Variants in TYW1B observed in about 807,000 individuals in gnomAD.
TYW1B encodes the protein S-adenosyl-L-methionine-dependent tRNA 4-demethylwyosine synthase TYW1B.
In TYW1B, 73 loss-of-function variants were observed where a neutral mutation model predicts 86.9. That is an observed-to-expected ratio of 0.84 (90% CI 0.70 to 1.02). TYW1B has a LOEUF of 1.02. Among genes scored for constraint, TYW1B ranks in the 50% least tolerant of loss-of-function variants. The probability of loss-of-function intolerance (pLI) is 0.00; values close to 1 mark genes in which losing one functional copy is unlikely to be tolerated. For synonymous variants in TYW1B, 248 were observed against 292.8 expected, an observed-to-expected ratio of 0.85 and a Z score of 1.56; for missense variants, 637 against 827.4, an observed-to-expected ratio of 0.77 and a Z score of 2.82.
chr7:72,826,017 C>A (rs1554481364), intron 2 of TYW1B, among the ~76,000 whole-genome samples: 1 of 152,166 alleles, frequency 6.6e-6, no homozygotes, highest in Non-Finnish European at 1.5e-5. Flanking sequence ...AAGGACAGTT[C>A]ACTGCTAAAG....
intron 7 of TYW1B, among the ~76,000 whole-genome samples, chr7:72,749,759 T>C (rs1196952339): frequency 1.6e-5 from 1 of 61,520 alleles, no homozygotes; most frequent in African/African-American, 5.3e-5. Context: ...CTTTTCTGTT[T>C]CTTGAGGTAG....
chr7:72,626,776 T>A (rs535115050), intron 12 of TYW1B, among the ~76,000 whole-genome samples: 12 of 151,988 alleles, frequency 7.9e-5, no homozygotes, highest in African/African-American at 2.7e-4. Context: ...CCCCAAACCA[T>A]CTCTTGCTTG....
At chr7:72,723,500 T>C (rs1554458020) in intron 9 of TYW1B, among the ~76,000 whole-genome samples, 1 of 152,106 alleles carries the variant, frequency 6.6e-6, no homozygotes, top group Non-Finnish European at 1.5e-5. Flanking sequence ...GGTGCAGTGG[T>C]TCACACCTAT....
chr7:72,747,825 T>C (rs1554464101), intron 7 of TYW1B, among the ~76,000 whole-genome samples: 1 of 152,248 alleles, frequency 6.6e-6, no homozygotes, highest in Non-Finnish European at 1.5e-5. Context: ...TCTATTTGTT[T>C]AGATTTTCAT....
chr7:72,690,495 A>AAG (rs1814122047), intron 11 of TYW1B, among the ~76,000 whole-genome samples: 1 of 152,236 alleles, frequency 6.6e-6, no homozygotes, highest in African/African-American at 2.4e-5. Context: ...TGTACTTGCC[A>AAG]AGAGTTAAAA....
chr7:72,613,669 C>T (rs1811993247), intron 13 of TYW1B, among the ~76,000 whole-genome samples: 1 of 152,022 alleles, frequency 6.6e-6, no homozygotes, highest in Non-Finnish European at 1.5e-5. Flanking sequence ...CAGCCTTCCT[C>T]CCAAAGTGCT....
chr7:72,773,118 A>C (rs554420499), intron 7 of TYW1B, among the ~76,000 whole-genome samples: 1 of 152,142 alleles, frequency 6.6e-6, no homozygotes, highest in South Asian at 2.1e-4. Flanking sequence ...TCCTCTATTA[A>C]CTCTTTATAT....
intron 13 of TYW1B, among the ~76,000 whole-genome samples, chr7:72,590,557 A>T (rs1169063329): frequency 6.6e-6 from 1 of 152,198 alleles, no homozygotes; most frequent in African/African-American, 2.4e-5. Context: ...TTTATAGGGA[A>T]ATTATAGTTA....
intron 7 of TYW1B, among the ~76,000 whole-genome samples, chr7:72,758,183 G>A (rs531724882): frequency 2.6e-5 from 4 of 152,176 alleles, no homozygotes; most frequent in Admixed American, 6.5e-5. Context: ...TTGTGCCACT[G>A]TACTCCAGCC....
chr7:72,611,658 G>A (rs1480922033), intron 13 of TYW1B, among the ~76,000 whole-genome samples: 4 of 152,094 alleles, frequency 2.6e-5, no homozygotes, highest in East Asian at 1.9e-4. Flanking sequence ...GCGTGAAAAC[G>A]GACAAATACA....
At chr7:72,791,342 C>T (rs1266697611) in intron 6 of TYW1B, among the ~76,000 whole-genome samples, 4 of 151,420 alleles carry the variant, frequency 2.6e-5, no homozygotes, top group Non-Finnish European at 4.4e-5. Flanking sequence ...TAAGTTGCCA[C>T]TGCCAACATG....
intron 12 of TYW1B, among the ~76,000 whole-genome samples, chr7:72,624,829 G>A (rs1554438512): frequency 3.9e-5 from 6 of 152,070 alleles, no homozygotes; most frequent in African/African-American, 7.2e-5. Flanking sequence ...AGGCCAAGGC[G>A]GGTGGATCAC....
At chr7:72,791,279 C>T (rs1399987318) in intron 6 of TYW1B, among the ~76,000 whole-genome samples, 4 of 151,984 alleles carry the variant, frequency 2.6e-5, no homozygotes, top group African/African-American at 9.7e-5. Context: ...GGAGTTGGAA[C>T]AAATGTCTAT....
At chr7:72,660,246 T>C (rs1293448532) in intron 11 of TYW1B, among the ~76,000 whole-genome samples, 2 of 152,012 alleles carry the variant, frequency 1.3e-5, no homozygotes, top group Non-Finnish European at 2.9e-5. Context: ...TGATGGTGCA[T>C]GCCTGTGGTC....
At chr7:72,672,183 CG>C (rs1563054160) in intron 11 of TYW1B, among the ~76,000 whole-genome samples, 1 of 151,646 alleles carries the variant, frequency 6.6e-6, no homozygotes, top group Non-Finnish European at 1.5e-5. Flanking sequence ...CGTAATAAGA[CG>C]TGACTTGCTC....
intron 2 of TYW1B, among the ~76,000 whole-genome samples, chr7:72,821,036 CA>C (rs1234941093): frequency 6.6e-6 from 1 of 152,170 alleles, no homozygotes; most frequent in Non-Finnish European, 1.5e-5. Context: ...GCAGTGGCGC[CA>C]TCTTGGCTCA....
At chr7:72,720,156 A>C (rs1554457037) in intron 9 of TYW1B, among the ~76,000 whole-genome samples, 12 of 152,222 alleles carry the variant, frequency 7.9e-5, no homozygotes, top group Non-Finnish European at 1.5e-5. Flanking sequence ...TTTCAAATGG[A>C]TTGGATGTAG....
intron 7 of TYW1B, among the ~76,000 whole-genome samples, chr7:72,751,021 G>A (rs912791828): frequency 6.7e-6 from 1 of 148,222 alleles, no homozygotes; most frequent in South Asian, 2.1e-4. Flanking sequence ...TGTCTATGTT[G>A]TTCAGATTGG....
chr7:72,632,385 TACGTATATATATATAA>T (rs1322429882), intron 11 of TYW1B, among the ~76,000 whole-genome samples: 1 of 114,830 alleles, frequency 8.7e-6, no homozygotes, highest in African/African-American at 4.0e-5. Context: ...ATTATATATA[TACGTATATATATATAA>T]TATATATATA....
Sources: allele counts gnomAD v4.1 joint callset (sites outside exome capture counted in the v4.1 genomes callset), GRCh38; gene constraint gnomAD v4.1.1; transcripts MANE v1.5; gene names NCBI Gene and HGNC (gene_info 2026-07-23, HGNC 2026-07-21).